Variants in AKAP3 observed in about 807,000 individuals in gnomAD.
AKAP3 encodes the protein A-kinase anchoring protein 3.
AKAP3 carries 27 observed loss-of-function variants against 57.2 expected under a neutral mutation model. The ratio of observed to expected loss-of-function variants is 0.47; its 90% CI spans 0.35 to 0.65. AKAP3 has a LOEUF of 0.65. Among genes scored for constraint, AKAP3 ranks in the 30% least tolerant of loss-of-function variants. AKAP3 has a pLI of 0.01. For synonymous variants in AKAP3, 334 were observed against 392.3 expected, an observed-to-expected ratio of 0.85 and a Z score of 1.76; for missense variants, 959 against 1,040.0, an observed-to-expected ratio of 0.92 and a Z score of 1.07.
chr12:4,643,798 T>C (rs1452685731), intron 2 of AKAP3, among the ~76,000 whole-genome samples: 3 of 152,226 alleles, frequency 2.0e-5, no homozygotes, highest in African/African-American at 7.2e-5. Context: ...CATAGCTCTA[T>C]CTCAAGGCAG....
Position 4,626,930 on chromosome 12 carries a change from C to G in AKAP3, c.1972G>C (p.Val658Leu), listed in dbSNP as rs1222023640. 1 of 1,614,024 alleles carries G rather than the reference C, an allele frequency of 6.2e-7. No individual in the cohort carries two copies. Among genetic ancestry groups the G allele is most frequent in the East Asian group, 2.2e-5 (1 of 44,880 alleles). ...GALSGLTKMA[V>L]SQIDGHMSGQ... ...CTCATGTGGCCATCTATCTGGCTGA[C>G]AGCCATCTTGGTCAGCCCAGAAAGG... Residue 658 changes from valine to leucine, a missense_variant, in exon 5 of 6, where the codon GTC becomes CTC. Physicochemically the swap from Val to Leu is conservative, Grantham distance 32 (BLOSUM62 1). Coordinates refer to ENST00000228850, the MANE Select transcript of AKAP3 (RefSeq NM_001278309.2).
intron 4 of AKAP3, among the ~76,000 whole-genome samples, chr12:4,630,710 G>A (rs777435703): frequency 3.3e-5 from 5 of 152,090 alleles, no homozygotes; most frequent in Non-Finnish European, 5.9e-5. Flanking sequence ...TTACAACTCT[G>A]TTAACTATAG....
intron 4 of AKAP3, among the ~76,000 whole-genome samples, chr12:4,630,536 G>T (rs945337599): frequency 1.3e-5 from 2 of 152,224 alleles, no homozygotes; most frequent in Non-Finnish European, 2.9e-5. Flanking sequence ...TTGTTATCAT[G>T]TCGGAGTTAA....
At chr12:4,619,830 AT>A (rs1467910699) in intron 5 of AKAP3, among the ~76,000 whole-genome samples, 1 of 152,230 alleles carries the variant, frequency 6.6e-6, no homozygotes, top group Non-Finnish European at 1.5e-5. Flanking sequence ...CTATTCAGCA[AT>A]AAAAAGAAAT....
Position 4,627,711 on chromosome 12 carries a change from G to C in AKAP3, c.1191C>G (p.Ala397=), listed in dbSNP as rs1221318268. The stretch of plus-strand genomic sequence containing the variant: ...GGGAATAACTCTCAGCCTTGTCTTG[G>C]GCTTTCCTGACATGCTCAGGGACTT... ...AKKVPEHVRK[A]QDKAESYSLI... The change falls in exon 5 of 6, where the codon GCC becomes GCG. Residue 397 remains alanine, a synonymous_variant. Coordinates refer to ENST00000228850, the MANE Select transcript of AKAP3 (RefSeq NM_001278309.2). 6.2e-7 allele frequency: 1 copy of C among 1,614,018 alleles called. No homozygotes were observed. Among genetic ancestry groups the C allele is most frequent in the Admixed American group, 1.7e-5 (1 of 60,018 alleles).
At chr12:4,638,344 C>T in intron 3 of AKAP3, 148 bp from the exon 4 acceptor site, 1 of 640,902 alleles carries the variant, frequency 1.6e-6, no homozygotes, top group Non-Finnish European at 2.8e-6. Flanking sequence ...CAGAACCACT[C>T]CACCCTGAAT....
chr12:4,634,442 T>C (rs1945539431), intron 4 of AKAP3, among the ~76,000 whole-genome samples: 1 of 152,192 alleles, frequency 6.6e-6, no homozygotes, highest in Admixed American at 6.5e-5. Flanking sequence ...TGCAGTACCC[T>C]ATTGACAGTA....
At position 4,627,713 on chromosome 12, in the gene AKAP3, C is replaced by T; in HGVS notation, c.1189G>A (p.Ala397Thr). 1 of 1,614,144 alleles carries T rather than the reference C, an allele frequency of 6.2e-7. No homozygotes were observed. Among genetic ancestry groups the T allele is most frequent in the Non-Finnish European group, 8.5e-7 (1 of 1,180,036 alleles). ...GAATAACTCTCAGCCTTGTCTTGGG[C>T]TTTCCTGACATGCTCAGGGACTTTC... ...AKKVPEHVRKAQDKAESYSLI... is the reference protein window; with the variant it reads ...AKKVPEHVRKTQDKAESYSLI... The change falls in exon 5 of 6, where the codon GCC becomes ACC. Residue 397 changes from alanine (A) to threonine (T), a missense_variant. Ala to Thr is a moderately conservative substitution (Grantham distance 58). Transcript: ENST00000228850.
At chr12:4,635,567 C>G (rs1945554263) in intron 4 of AKAP3, 1 of 709,670 alleles carries the variant, frequency 1.4e-6, no homozygotes, top group Non-Finnish European at 2.6e-6. Flanking sequence ...ATCTACTGCT[C>G]TTTTATTTGC....
chr12:4,627,632 T>C lies in AKAP3; in HGVS notation c.1270A>G (p.Met424Val), dbSNP rs187734871. The C allele has an allele frequency of 1.0e-4, 162 of 1,614,094 alleles. 1 individual carries two copies. In the Admixed American group the frequency reaches 2.6e-3, roughly 26 times the overall value. ...TCTCTCAATTTAGTTTCAGATTTCA[T>C]GGCAAAGTTCACATTTCGGTTTTTA... ...DPKNRNVNFA[M>V]KSETKLREKM... The change falls in exon 5 of 6, where the codon ATG (methionine) becomes GTG (valine). Residue 424 changes from methionine (M) to valine (V), a missense_variant. Coordinates refer to ENST00000228850, the MANE Select transcript of AKAP3 (RefSeq NM_001278309.2).
intron 1 of AKAP3, chr12:4,648,351 A>G (rs921217043): frequency 1.3e-5 from 2 of 152,256 alleles, no homozygotes; most frequent in African/African-American, 4.8e-5. Flanking sequence ...AAGCCCACTC[A>G]TGAATCACAC....
At position 4,627,888 on chromosome 12, in the gene AKAP3, CAAG is replaced by C. The variant is rs1249960737; in HGVS notation, c.1011_1013del (p.Phe337del). The C allele has an allele frequency of 4.3e-6, 7 of 1,613,982 alleles. No homozygotes were observed. Among genetic ancestry groups the C allele is most frequent in the Middle Eastern group, 1.6e-4 (1 of 6,082 alleles). On this transcript the variant is annotated inframe_deletion, in exon 5 of 6. Transcript: ENST00000228850. ...TCCCTGTGACGCTGTGGAGATTCCT[CAAG>C]AAGGAGTCGATGAGATCCGAGACCA...
rs1238528494 is a variant in AKAP3, at chr12:4,633,129, AAC to A, written c.97-4326_97-4325del. 2.7e-5 allele frequency among the ~76,000 whole-genome samples: 4 copies of A among 150,748 alleles called. No individual in the cohort carries two copies. In the South Asian group the frequency reaches 6.4e-4, roughly 24 times the overall value. On this transcript the variant is annotated intron_variant, in intron 4 of 5. Coordinates refer to ENST00000228850, the MANE Select transcript of AKAP3 (RefSeq NM_001278309.2). ...ACCCTTTTCAATTAAAAAAAAAAAA[AAC>A]AAAAAACCCAAACCTGTTGGGTGCA...
intron 4 of AKAP3, among the ~76,000 whole-genome samples, chr12:4,637,033 AC>A (rs1182061455): frequency 6.6e-6 from 1 of 152,232 alleles, no homozygotes; most frequent in Admixed American, 6.5e-5. Context: ...GGTGTGAGCC[AC>A]TGTGCCCAGT....
At chr12:4,622,955 G>A (rs1385774451) in intron 5 of AKAP3, among the ~76,000 whole-genome samples, 1 of 152,110 alleles carries the variant, frequency 6.6e-6, no homozygotes, top group Non-Finnish European at 1.5e-5. Context: ...ATTAAAAAGT[G>A]GGCAAAGGAC....
At chr12:4,623,872 CT>C (rs1314794084) in intron 5 of AKAP3, among the ~76,000 whole-genome samples, 1 of 152,138 alleles carries the variant, frequency 6.6e-6, no homozygotes, top group East Asian at 1.9e-4. Context: ...AGTAAAGCAA[CT>C]TAGCAAATTA....
chr12:4,621,545 T>A (rs1445209583), intron 5 of AKAP3, among the ~76,000 whole-genome samples: 4 of 152,230 alleles, frequency 2.6e-5, no homozygotes, highest in African/African-American at 9.6e-5. Flanking sequence ...ACTGTGGTGT[T>A]ATAATTGCTT....
chr12:4,619,183 A>G, intron 5 of AKAP3, among the ~76,000 whole-genome samples: 1 of 152,246 alleles, frequency 6.6e-6, no homozygotes, highest in East Asian at 1.9e-4. Flanking sequence ...GATGTGGAGA[A>G]ACTGAAACCT....
chr12:4,617,343 A>G (rs1258514549), intron 5 of AKAP3, among the ~76,000 whole-genome samples: 1 of 152,282 alleles, frequency 6.6e-6, no homozygotes, highest in Non-Finnish European at 1.5e-5. Flanking sequence ...GAAGTTCTTC[A>G]GAGAGAAGGA....
Sources: allele counts gnomAD v4.1 joint callset (sites outside exome capture counted in the v4.1 genomes callset), GRCh38; gene constraint gnomAD v4.1.1; transcripts MANE v1.5; gene names NCBI Gene and HGNC (gene_info 2026-07-23, HGNC 2026-07-21).